Variants in ODF2 observed in about 807,000 individuals in gnomAD.
ODF2 encodes the protein outer dense fiber protein 2.
ODF2 carries 47 observed loss-of-function variants against 110.2 expected under a neutral mutation model. The ratio of observed to expected loss-of-function variants is 0.43; its 90% confidence interval spans 0.34 to 0.54. The LOEUF is 0.54. ODF2 is among the 20% of genes least tolerant of loss of function. The pLI is 0.03. For synonymous variants in ODF2, 352 were observed against 397.7 expected, an observed-to-expected ratio of 0.89 and a Z score of 1.37; for missense variants, 812 against 1,054.5, an observed-to-expected ratio of 0.77 and a Z score of 3.19.
upstream of ODF2, chr9:128,455,967 T>C: frequency 7.1e-7 from 1 of 1,410,504 alleles, no homozygotes; most frequent in East Asian, 2.7e-5. Flanking sequence ...CACGTCTCCT[T>C]GGTGACGGGA....
At chr9:128,479,246 G>C (rs1321963180) in intron 8 of ODF2, among the ~76,000 whole-genome samples, 3 of 152,056 alleles carry the variant, frequency 2.0e-5, no homozygotes, top group Non-Finnish European at 4.4e-5. Flanking sequence ...AGGGAAAGAG[G>C]GTGAACAAGA....
At position 128,481,155 on chromosome 9, in the gene ODF2, A is replaced by C. The variant is rs113092463; in HGVS notation, c.844-425A>C. On this transcript the variant is annotated intron_variant, in intron 8 of 20. Transcript: ENST00000604420. Reference sequence around the variant, plus strand: ...ACTATTTTATAGTGAGAATATATTCACATTACTTTTCAAATTAGAACTACA... The same window carrying C: ...ACTATTTTATAGTGAGAATATATTCCCATTACTTTTCAAATTAGAACTACA... Among the ~76,000 whole-genome samples the C allele has an allele frequency of 6.6e-3, 999 of 152,228 alleles. 3 individuals are homozygous for C. Among genetic ancestry groups the C allele is most frequent in the Non-Finnish European group, 0.011 (753 of 68,020 alleles).
At chr9:128,460,172 T>C in intron 3 of ODF2, 1 of 1,299,678 alleles carries the variant, frequency 7.7e-7, no homozygotes, top group Non-Finnish European at 1.0e-6. Context: ...GATCACTGTG[T>C]AGAAGGATCC....
chr9:128,471,573 T>A (rs1321064280), intron 6 of ODF2, 105 bp downstream of exon 6: 60 of 973,238 alleles, frequency 6.2e-5, no homozygotes, highest in Middle Eastern at 2.2e-4. Flanking sequence ...GCACAGGCAC[T>A]GTGCCTGTGC....
chr9:128,466,052 T>G (rs1588755720), intron 4 of ODF2, among the ~76,000 whole-genome samples: 1 of 151,912 alleles, frequency 6.6e-6, no homozygotes, highest in South Asian at 2.1e-4. Context: ...GGCAAGAGAA[T>G]TGCTTAAGCC....
chr9:128,470,044 T>TATATATAA (rs1564476177), intron 5 of ODF2, among the ~76,000 whole-genome samples: 1 of 64,806 alleles, frequency 1.5e-5, no homozygotes, highest in African/African-American at 5.6e-5. Context: ...TATATATATA[T>TATATATAA]ATAAATAAAA....
At chr9:128,490,614 T>G (rs1422143469) in intron 14 of ODF2, among the ~76,000 whole-genome samples, 1 of 152,096 alleles carries the variant, frequency 6.6e-6, no homozygotes. Flanking sequence ...AAGTTAAATA[T>G]GCTCATAGTA....
rs1020606990 is a variant in ODF2, at chr9:128,483,198, T to G, written c.987+311T>G. Among the ~76,000 whole-genome samples, 2 of 152,048 alleles carry G rather than the reference T, an allele frequency of 1.3e-5. 1 individual carries two copies. Among genetic ancestry groups the G allele is most frequent in the Non-Finnish European group, 2.9e-5 (2 of 68,016 alleles). On this transcript the variant is annotated intron_variant, in intron 10 of 20. Coordinates refer to ENST00000604420, the Ensembl canonical transcript of ODF2. ...ATGAGCCACTGCGCCCAGCCGCAGT[T>G]GTGCATTTTTATGAGCCAGTAGAAT...
chr9:128,468,739 C>G (rs953316856), intron 4 of ODF2, among the ~76,000 whole-genome samples: 1 of 152,152 alleles, frequency 6.6e-6, no homozygotes, highest in Non-Finnish European at 1.5e-5. Flanking sequence ...TCAGGCTGGT[C>G]TCAAACTCCT....
At chr9:128,456,846 G>A in intron 1 of ODF2, 2 of 1,313,486 alleles carry the variant, frequency 1.5e-6, no homozygotes, top group Non-Finnish European at 1.9e-6. Context: ...GGGCGCCCGG[G>A]GCCCGTGCAA....
At chr9:128,492,840 C>T in intron 16 of ODF2, 35 bp downstream of exon 16, 2 of 1,539,938 alleles carry the variant, frequency 1.3e-6, no homozygotes, top group Non-Finnish European at 1.8e-6. Flanking sequence ...TTCTCCTACC[C>T]AATTCCATAT....
At chr9:128,460,269 G>C in intron 3 of ODF2, 1 of 1,355,876 alleles carries the variant, frequency 7.4e-7, no homozygotes. Flanking sequence ...AAGAACCCTG[G>C]GGCCGGCGTC....
rs1461889902 is a variant in ODF2 at position 128,459,553 on chromosome 9, G to A, written c.33-14G>A. On this transcript the variant is annotated splice_polypyrimidine_tract_variant and intron_variant, in intron 2 of 20. Transcript: ENST00000604420. ...GTTTTCTGCTTACAATCTGGTTCTT[G>A]TGCCTGGGTGCAGGTTTCCATCGTG... is the stretch of plus-strand genomic sequence containing the variant. 2.5e-6 allele frequency: 4 copies of A among 1,610,370 alleles called. No homozygotes were observed. The highest frequency in any genetic ancestry group is 3.4e-6 in the Non-Finnish European group (4 of 1,177,346).
chr9:128,457,458 G>T (rs781664167), intron 2 of ODF2: 15 of 1,600,888 alleles, frequency 9.4e-6, no homozygotes, highest in Non-Finnish European at 1.3e-5. Flanking sequence ...TGTGGGAGGC[G>T]CCTGCGCCGG....
intron 18 of ODF2, among the ~76,000 whole-genome samples, chr9:128,496,871 G>A (rs1316981424): frequency 6.6e-6 from 1 of 152,132 alleles, no homozygotes; most frequent in Non-Finnish European, 1.5e-5. Context: ...GGGACTACAG[G>A]CGTATGCCAC....
chr9:128,458,321 G>C (rs1266631210), intron 2 of ODF2, among the ~76,000 whole-genome samples: 2 of 152,154 alleles, frequency 1.3e-5, no homozygotes, highest in Non-Finnish European at 2.9e-5. Context: ...GGGCATGGTG[G>C]CACACGCCTG....
Position 128,458,913 on chromosome 9 carries a change from C to T in ODF2, c.33-654C>T, listed in dbSNP as rs143174265. Among the ~76,000 whole-genome samples the T allele has an allele frequency of 5.4e-3, 826 of 152,076 alleles. 4 individuals are homozygous for T. Among genetic ancestry groups the T allele is most frequent in the African/African-American group, 0.018 (748 of 41,472 alleles). On this transcript the variant is annotated intron_variant, in intron 2 of 20. Transcript: ENST00000604420. ...AGGCTGGAGTGCAGTGGCGTGGTTACGGCTCACTGCAGCCTCCACCTCCCA... is the reference window on the plus strand; with the variant it reads ...AGGCTGGAGTGCAGTGGCGTGGTTATGGCTCACTGCAGCCTCCACCTCCCA...
At chr9:128,455,925 G>A, upstream of ODF2, 1 of 1,389,372 alleles carries the variant, frequency 7.2e-7, no homozygotes, top group South Asian at 1.6e-5. Flanking sequence ...TGAATGGGGG[G>A]CGAGACCCGG....
At chr9:128,492,644 G>C (rs1304059913) in intron 15 of ODF2, 57 bp from the exon 16 acceptor site, 1 of 1,571,304 alleles carries the variant, frequency 6.4e-7, no homozygotes, top group East Asian at 2.2e-5. Context: ...TATGGAAGAT[G>C]GTTTTCATCA....
Sources: allele counts gnomAD v4.1 joint callset (sites outside exome capture counted in the v4.1 genomes callset), GRCh38; gene constraint gnomAD v4.1.1; transcripts MANE v1.5; gene names NCBI Gene and HGNC (gene_info 2026-07-23, HGNC 2026-07-21).